Variants in ERO1B observed in about 807,000 individuals in gnomAD.
The protein encoded by ERO1B is ERO1-like protein beta.
In ERO1B, 49 loss-of-function variants were observed where a neutral mutation model predicts 75.3. The ratio of observed to expected loss-of-function variants is 0.65; its 90% CI spans 0.52 to 0.83. ERO1B has a LOEUF of 0.83. Among genes scored for constraint, ERO1B ranks in the 40% least tolerant of loss-of-function variants. The pLI is 0.00. For missense variants in ERO1B, 512 were observed against 560.1 expected (o/e 0.91, Z 0.87); for synonymous variants, 191 against 192.9 (o/e 0.99, Z 0.08).
chr1:236,261,224 C>T (rs1609090), intron 2 of ERO1B, among the ~76,000 whole-genome samples: 37,734 of 152,012 alleles, frequency 0.25, 4,872 homozygotes, highest in East Asian at 0.38. Flanking sequence ...AACTGAAAAG[C>T]TTTTCCTCTA....
intron 1 of ERO1B, among the ~76,000 whole-genome samples, chr1:236,273,174 CAG>C (rs1377092935): frequency 1.3e-5 from 2 of 151,996 alleles, no homozygotes; most frequent in Non-Finnish European, 2.9e-5. Context: ...GTGTCAGAGT[CAG>C]AGAGAGACTG....
intron 1 of ERO1B, among the ~76,000 whole-genome samples, chr1:236,279,337 T>C (rs990458878): frequency 1.4e-5 from 2 of 145,922 alleles, no homozygotes; most frequent in African/African-American, 5.1e-5. Flanking sequence ...ACCTCATCTC[T>C]ACTAAAAAAT....
intron 1 of ERO1B, among the ~76,000 whole-genome samples, chr1:236,273,139 T>G (rs1665634404): frequency 6.6e-6 from 1 of 152,082 alleles, no homozygotes; most frequent in South Asian, 2.1e-4. Flanking sequence ...GTGAGATGAG[T>G]TCTTTATGAG....
rs761066923 is a variant in ERO1B at position 236,226,299 on chromosome 1, G to A, written c.1022C>T (p.Thr341Ile). Residue 341 changes from threonine to isoleucine, a missense_variant, in exon 12 of 16, where the codon ACT becomes ATT. By Grantham distance (89) the Thr-to-Ile change is moderately conservative. Coordinates refer to ENST00000354619, the MANE Select transcript of ERO1B (RefSeq NM_019891.4). Reference protein sequence around the residue: ...GNAEEDADTKTLLLNIFQDTK... With the variant: ...GNAEEDADTKILLLNIFQDTK... ...ATCTTGAAAGATATTCAGTAGAAGAGTTTTTGTGTCAGCATCTTCTTCTGC... is the reference window on the plus strand; with the variant it reads ...ATCTTGAAAGATATTCAGTAGAAGAATTTTTGTGTCAGCATCTTCTTCTGC... 1.2e-6 allele frequency: 2 copies of A among 1,613,928 alleles called. No homozygotes were observed. Among genetic ancestry groups the A allele is most frequent in the Non-Finnish European group, 8.5e-7 (1 of 1,179,882 alleles).
At position 236,257,553 on chromosome 1, in the gene ERO1B, T is replaced by C. The variant is rs1665185752; in HGVS notation, c.223-4048A>G. On this transcript the variant is annotated intron_variant, in intron 2 of 15. Transcript: ENST00000354619. ...TAAGAAAAATGAAGAAATAGGGAAA[T>C]ATGCTCCAAAAAAAAAAAAGAACAA... Among the ~76,000 whole-genome samples, 4 of 110,512 alleles carry C rather than the reference T, an allele frequency of 3.6e-5. No individual in the cohort carries two copies. In the South Asian group the frequency reaches 1.2e-3, roughly 33 times the overall value. The allele number at this position is 110,512 out of a possible 152,430, so 72.5% of individuals were successfully genotyped here.
chr1:236,225,043 C>T, intron 13 of ERO1B, 27 bp downstream of exon 13: 1 of 1,608,094 alleles, frequency 6.2e-7, no homozygotes, highest in Non-Finnish European at 8.5e-7. Context: ...TGCTCCCAAC[C>T]CCGTGTCCCA....
intron 14 of ERO1B, 38 bp downstream of exon 14, chr1:236,221,886 G>C (rs759220541): frequency 1.1e-5 from 16 of 1,490,822 alleles, no homozygotes; most frequent in Non-Finnish European, 1.5e-5. Flanking sequence ...AAAAATAAAG[G>C]TTAGTAATGG....
chr1:236,216,753 G>A lies in ERO1B; in HGVS notation c.*1763C>T, dbSNP rs1012397323. The stretch of plus-strand genomic sequence containing the variant: ...CATTTAGAGTGATAAACAAAGTGCA[G>A]ATTTTTCACATCTTAAACTCTGAGT... On this transcript the variant is annotated 3_prime_UTR_variant, in exon 16 of 16. Transcript: ENST00000354619. 2.6e-5 allele frequency: 4 copies of A among 151,968 alleles called. No individual in the cohort carries two copies. Among genetic ancestry groups the A allele is most frequent in the African/African-American group, 9.7e-5 (4 of 41,402 alleles). The allele number at this position is 151,968 out of a possible 1,614,324, so 9.4% of individuals were successfully genotyped here.
At chr1:236,256,087 C>A (rs927881931) in intron 2 of ERO1B, among the ~76,000 whole-genome samples, 10 of 152,172 alleles carry the variant, frequency 6.6e-5, no homozygotes. Context: ...CCTTCTTCCC[C>A]TGGCTTACTT....
At chr1:236,281,647 C>A (rs1665832844) in intron 1 of ERO1B, 35 bp downstream of exon 1, 2 of 1,358,852 alleles carry the variant, frequency 1.5e-6, no homozygotes, top group South Asian at 3.1e-5. Context: ...GGGTGTTCGG[C>A]CGGGGGTTCC....
intron 2 of ERO1B, among the ~76,000 whole-genome samples, chr1:236,262,495 C>T (rs1363348931): frequency 3.3e-5 from 5 of 152,166 alleles, no homozygotes; most frequent in Non-Finnish European, 7.4e-5. Flanking sequence ...CTCTGCCTCC[C>T]AGGCTCAAGT....
At chr1:236,263,778 CTTTTTTTTT>C in intron 2 of ERO1B, among the ~76,000 whole-genome samples, 9 of 80,302 alleles carry the variant, frequency 1.1e-4, no homozygotes, top group East Asian at 5.9e-4. Context: ...ATTTTGTTTG[CTTTTTTTTT>C]TTTTTTTTTT....
Position 236,217,626 on chromosome 1 carries a change from T to A in ERO1B, c.*890A>T, listed in dbSNP as rs991250560. 1 of 152,606 alleles carries A rather than the reference T, an allele frequency of 6.6e-6. No homozygotes were observed. The highest frequency in any genetic ancestry group is 2.4e-5 in the African/African-American group (1 of 41,466). The allele number at this position is 152,606 out of a possible 1,614,324, so 9.5% of individuals were successfully genotyped here. A position where few individuals can be genotyped will look rare whatever the true frequency, so the allele number is the denominator to read the frequency against. On this transcript the variant is annotated 3_prime_UTR_variant, in exon 16 of 16. Coordinates refer to ENST00000354619, the MANE Select transcript of ERO1B (RefSeq NM_019891.4). ...CAATTGGCATTATAAATTCATATAA[T>A]CCCATTTAAATTTTATCAAGAAGTA...
chr1:236,278,553 G>C (rs372384578), intron 1 of ERO1B, among the ~76,000 whole-genome samples: 3 of 152,044 alleles, frequency 2.0e-5, no homozygotes, highest in African/African-American at 2.4e-5. Context: ...TCAGAGTAAC[G>C]GACTGGTATA....
At chr1:236,268,653 A>C (rs10924905) in intron 2 of ERO1B, among the ~76,000 whole-genome samples, 6,850 of 150,360 alleles carry the variant, frequency 0.046, 481 homozygotes, top group African/African-American at 0.15. Context: ...TTGGGAGGCC[A>C]AGGCGGGCGG....
At chr1:236,251,819 T>C (rs527453572) in intron 4 of ERO1B, among the ~76,000 whole-genome samples, 265 of 152,302 alleles carry the variant, frequency 1.7e-3, no homozygotes, top group Non-Finnish European at 2.1e-3. Flanking sequence ...TATAGTTACA[T>C]TTAATAGTTG....
At chr1:236,279,023 T>C (rs937548457) in intron 1 of ERO1B, among the ~76,000 whole-genome samples, 2 of 152,242 alleles carry the variant, frequency 1.3e-5, no homozygotes, top group Admixed American at 6.5e-5. Context: ...CCATCTCTTT[T>C]TCTATACTAG....
chr1:236,232,807 A>G (rs767867331), intron 9 of ERO1B, 21 bp downstream of exon 9: 2 of 1,591,910 alleles, frequency 1.3e-6, no homozygotes, highest in South Asian at 1.2e-5. Context: ...CTTGAAACAA[A>G]CAAACATGAG....
At chr1:236,247,099 T>A (rs1664902090) in intron 5 of ERO1B, among the ~76,000 whole-genome samples, 1 of 152,182 alleles carries the variant, frequency 6.6e-6, no homozygotes, top group Non-Finnish European at 1.5e-5. Context: ...GACTTAAGCC[T>A]AGTCCCTAGA....
Sources: allele counts gnomAD v4.1 joint callset (sites outside exome capture counted in the v4.1 genomes callset), GRCh38; gene constraint gnomAD v4.1.1; transcripts MANE v1.5; gene names NCBI Gene and HGNC (gene_info 2026-07-23, HGNC 2026-07-21).